Variants in KCNIP4 observed in about 807,000 individuals in gnomAD.
KCNIP4 encodes potassium voltage-gated channel interacting protein 4, also known as Kv channel-interacting protein 4.
A neutral mutation model predicts 34.0 loss-of-function variants in KCNIP4; 12 were observed. That is an observed-to-expected ratio of 0.35 (90% CI 0.23 to 0.57). The LOEUF (loss-of-function observed/expected upper bound fraction) is 0.57, where lower values mean the gene tolerates loss of function less well. Ranked by LOEUF, KCNIP4 falls within the 20% of genes least tolerant of loss-of-function variation. KCNIP4 has a pLI of 0.83. For missense variants in KCNIP4, 238 were observed against 311.7 expected (o/e 0.76, Z 1.78); for synonymous variants, 124 against 102.2 (o/e 1.21, Z -1.29).
chr4:21,679,647 G>C (rs183963222), intron 1 of KCNIP4, among the ~76,000 whole-genome samples: 2 of 152,098 alleles, frequency 1.3e-5, no homozygotes, highest in Non-Finnish European at 2.9e-5. Flanking sequence ...ATACATTCAA[G>C]CCTGTATTGA....
intron 1 of KCNIP4, among the ~76,000 whole-genome samples, chr4:20,910,844 T>A (rs569780306): frequency 6.6e-5 from 10 of 152,330 alleles, no homozygotes; most frequent in Admixed American, 2.0e-4. Context: ...AGCCCCGTTA[T>A]GCCCCTTTGA....
intron 3 of KCNIP4, among the ~76,000 whole-genome samples, chr4:20,828,197 G>A (rs1378236457): frequency 6.6e-6 from 1 of 152,204 alleles, no homozygotes; most frequent in Non-Finnish European, 1.5e-5. Flanking sequence ...GGGAGGCCGA[G>A]GCGGGTGGAT....
At chr4:20,845,169 G>A (rs905984491) in intron 3 of KCNIP4, among the ~76,000 whole-genome samples, 2 of 152,118 alleles carry the variant, frequency 1.3e-5, no homozygotes, top group African/African-American at 4.8e-5. Context: ...CTGCACCATG[G>A]TCAAGCCATC....
At chr4:21,493,238 C>G (rs1577458077) in intron 1 of KCNIP4, among the ~76,000 whole-genome samples, 1 of 152,074 alleles carries the variant, frequency 6.6e-6, no homozygotes, top group East Asian at 1.9e-4. Flanking sequence ...ATTCAATTTA[C>G]CCCACAGCCT....
chr4:21,513,850 T>A (rs1439500571), intron 1 of KCNIP4, among the ~76,000 whole-genome samples: 1 of 152,170 alleles, frequency 6.6e-6, no homozygotes, highest in East Asian at 1.9e-4. Flanking sequence ...ACATATTTAG[T>A]CCACTCTGTT....
At chr4:21,341,406 C>T (rs866891502) in intron 1 of KCNIP4, among the ~76,000 whole-genome samples, 1 of 152,170 alleles carries the variant, frequency 6.6e-6, no homozygotes, top group Non-Finnish European at 1.5e-5. Flanking sequence ...CATCTCCACA[C>T]TCCTCCCATA....
intron 1 of KCNIP4, among the ~76,000 whole-genome samples, chr4:21,537,412 C>A (rs1281962240): frequency 1.3e-5 from 2 of 152,076 alleles, no homozygotes; most frequent in East Asian, 3.9e-4. Context: ...TTCAGGCCAC[C>A]ACATCAGCAC....
At chr4:20,977,629 G>C (rs932506684) in intron 1 of KCNIP4, among the ~76,000 whole-genome samples, 2 of 152,120 alleles carry the variant, frequency 1.3e-5, no homozygotes, top group Non-Finnish European at 2.9e-5. Context: ...TCAGTATCAA[G>C]CACATTGCCA....
chr4:21,181,418 G>T (rs7655488), intron 1 of KCNIP4, among the ~76,000 whole-genome samples: 120,966 of 151,984 alleles, frequency 0.8, 48,679 homozygotes, highest in African/African-American at 0.9. Context: ...TTACCTTACC[G>T]GGTTTGATCA....
At chr4:21,174,020 G>A (rs1338070003) in intron 1 of KCNIP4, among the ~76,000 whole-genome samples, 2 of 151,964 alleles carry the variant, frequency 1.3e-5, no homozygotes, top group Admixed American at 1.3e-4. Context: ...CCTCCTAATG[G>A]GACACTGATG....
intron 3 of KCNIP4, among the ~76,000 whole-genome samples, chr4:20,822,397 C>T (rs777532977): frequency 3.3e-5 from 5 of 151,974 alleles, no homozygotes; most frequent in Non-Finnish European, 7.4e-5. Context: ...CAAGAATGGC[C>T]ATAATTAAGA....
At position 20,983,488 on chromosome 4, in the gene KCNIP4, A is replaced by G. The variant is rs184940600; in HGVS notation, c.62-100779T>C. 2.1e-3 allele frequency among the ~76,000 whole-genome samples: 323 copies of G among 152,322 alleles called. 1 individual carries two copies. Among genetic ancestry groups the G allele is most frequent in the African/African-American group, 7.3e-3 (304 of 41,576 alleles). ...ATGACATTAAGGTGTGGTAACCAACATGAACTTGACAACCAAATACCAACC... is the reference window on the plus strand; with the variant it reads ...ATGACATTAAGGTGTGGTAACCAACGTGAACTTGACAACCAAATACCAACC... On this transcript the variant is annotated intron_variant, in intron 1 of 8. Coordinates refer to ENST00000382152, the MANE Select transcript of KCNIP4 (RefSeq NM_025221.6).
intron 1 of KCNIP4, among the ~76,000 whole-genome samples, chr4:21,863,655 G>T (rs182481278): frequency 6.6e-6 from 1 of 152,244 alleles, no homozygotes; most frequent in South Asian, 2.1e-4. Flanking sequence ...GACACACAGG[G>T]CTTAGAGCAG....
At chr4:20,908,625 C>T (rs1728030640) in intron 1 of KCNIP4, among the ~76,000 whole-genome samples, 1 of 152,140 alleles carries the variant, frequency 6.6e-6, no homozygotes, top group African/African-American at 2.4e-5. Context: ...ACAGGTCAGG[C>T]ATTATTTTGC....
At chr4:21,443,208 A>G (rs1727641871) in intron 1 of KCNIP4, among the ~76,000 whole-genome samples, 1 of 152,154 alleles carries the variant, frequency 6.6e-6, no homozygotes, top group African/African-American at 2.4e-5. Flanking sequence ...TAGTGAAGTC[A>G]GTCATCACTA....
At chr4:21,156,623 A>C (rs1239366435) in intron 1 of KCNIP4, among the ~76,000 whole-genome samples, 1 of 152,154 alleles carries the variant, frequency 6.6e-6, no homozygotes, top group Non-Finnish European at 1.5e-5. Flanking sequence ...CCATTTATAC[A>C]AACAGAAATA....
chr4:21,551,259 T>C (rs1738558913), intron 1 of KCNIP4, among the ~76,000 whole-genome samples: 1 of 152,162 alleles, frequency 6.6e-6, no homozygotes, highest in African/African-American at 2.4e-5. Flanking sequence ...TAAACCCATT[T>C]AGATTATTCA....
intron 1 of KCNIP4, among the ~76,000 whole-genome samples, chr4:21,810,904 G>T (rs1361524577): frequency 6.6e-6 from 1 of 152,128 alleles, no homozygotes; most frequent in African/African-American, 2.4e-5. Context: ...AATTCAGAAA[G>T]CTGTGCTCAT....
intron 1 of KCNIP4, among the ~76,000 whole-genome samples, chr4:21,841,015 T>G (rs535178939): frequency 7.4e-4 from 112 of 152,330 alleles, no homozygotes; most frequent in Non-Finnish European, 1.3e-3. Flanking sequence ...TTGTTGCTAC[T>G]GAGTATGTGA....
Sources: allele counts gnomAD v4.1 joint callset (sites outside exome capture counted in the v4.1 genomes callset), GRCh38; gene constraint gnomAD v4.1.1; transcripts MANE v1.5; gene names NCBI Gene and HGNC (gene_info 2026-07-23, HGNC 2026-07-21).